The following PRPS1 variants were observed in gnomAD, a reference collection of about 807,000 sequenced individuals.
The protein encoded by PRPS1 is ribose-phosphate pyrophosphokinase 1.
A neutral mutation model predicts 16.9 loss-of-function variants in PRPS1; 1 was observed. That is an observed-to-expected ratio of 0.06 (90% CI 0.02 to 0.28). The LOEUF (loss-of-function observed/expected upper bound fraction) is 0.28, where lower values mean the gene tolerates loss of function less well. Among genes scored for constraint, PRPS1 ranks in the 10% least tolerant of loss-of-function variants. PRPS1 has a pLI of 1.00. For synonymous variants in PRPS1, 70 were observed against 90.2 expected (o/e 0.78, Z 1.27); for missense variants, 47 against 254.0 (o/e 0.19, Z 5.54).
intron 5 of PRPS1, among the ~76,000 whole-genome samples, chrX:107,646,432 T>C (rs1366556120): frequency 8.9e-6 from 1 of 111,984 alleles, no homozygotes; most frequent in Non-Finnish European, 1.9e-5. Flanking sequence ...ATGGTTTTTT[T>C]AAACTTTCTT....
At chrX:107,646,176 C>T (rs2147685286) in intron 5 of PRPS1, among the ~76,000 whole-genome samples, 1 of 111,589 alleles carries the variant, frequency 9.0e-6, no homozygotes, top group East Asian at 2.8e-4. Flanking sequence ...AATTACGGCT[C>T]ACTGCAGTCT....
intron 1 of PRPS1, among the ~76,000 whole-genome samples, chrX:107,638,631 G>C (rs1925499148): frequency 9.0e-6 from 1 of 111,375 alleles, no homozygotes; most frequent in Non-Finnish European, 1.9e-5. Flanking sequence ...GTATTACCCA[G>C]GCTGGTTTTG....
At chrX:107,640,259 T>C (rs1469624351) in intron 2 of PRPS1, among the ~76,000 whole-genome samples, 2 of 109,644 alleles carry the variant, frequency 1.8e-5, no homozygotes, top group South Asian at 3.9e-4. Context: ...GGAGAATTGC[T>C]TGAACCCAGG....
At chrX:107,638,324 G>T (rs1925489607) in intron 1 of PRPS1, among the ~76,000 whole-genome samples, 1 of 111,300 alleles carries the variant, frequency 9.0e-6, no homozygotes. Context: ...GGCCAGGCTG[G>T]TCTTAAACTC....
At chrX:107,644,597 C>T (rs943103185) in intron 4 of PRPS1, among the ~76,000 whole-genome samples, 59 of 111,884 alleles carry the variant, frequency 5.3e-4, no homozygotes, top group African/African-American at 1.5e-3. Flanking sequence ...GTGAGGGTGT[C>T]TGTCCTCTAC....
rs1925292386 is a variant in PRPS1 at position 107,630,774 on chromosome X, C to T, written c.122+2024C>T. Among the ~76,000 whole-genome samples the T allele has an allele frequency of 2.7e-5, 3 of 109,252 alleles. No individual in the cohort carries two copies. In the South Asian group the frequency reaches 1.2e-3, roughly 43 times the overall value. 94.9% of individuals were successfully genotyped at this position (109,252 alleles called of 115,157 possible). A position where few individuals can be genotyped will look rare whatever the true frequency, so the allele number is the denominator to read the frequency against. ...ACACACACACACACACACACACACA[C>T]GGAGGGGGTGGGTGTTAAAAGTGCT... On this transcript the variant is annotated intron_variant, in intron 1 of 6. Coordinates refer to ENST00000372435, the MANE Select transcript of PRPS1 (RefSeq NM_002764.4).
chrX:107,644,310 T>G (rs759274152), intron 4 of PRPS1, among the ~76,000 whole-genome samples: 1 of 111,749 alleles, frequency 8.9e-6, no homozygotes, highest in South Asian at 3.8e-4. Context: ...CTCCCAAGCT[T>G]GGTGTCCAGG....
Position 107,628,512 on chromosome X carries a change from T to C in PRPS1, c.-117T>C. The C allele has an allele frequency of 8.5e-7, 1 of 1,170,002 alleles. No homozygotes were observed. The highest frequency in any genetic ancestry group is 1.2e-6 in the Non-Finnish European group (1 of 860,886). On this transcript the variant is annotated 5_prime_UTR_variant, in exon 1 of 7. An upstream start codon of the reference 5' UTR is lost. Coordinates refer to ENST00000372435, the MANE Select transcript of PRPS1 (RefSeq NM_002764.4). The stretch of plus-strand genomic sequence containing the variant: ...TTTAGAGCCGCGCGCCGGGCGGGAA[T>C]GTAAGATGGCGGAGTAGCAACGCAA...
intron 1 of PRPS1, among the ~76,000 whole-genome samples, chrX:107,637,436 C>T (rs975052614): frequency 1.1e-4 from 12 of 111,377 alleles, no homozygotes; most frequent in Non-Finnish European, 1.7e-4. Context: ...CATTATAGAA[C>T]AGTAGTGATT....
intron 1 of PRPS1, among the ~76,000 whole-genome samples, chrX:107,632,496 T>C (rs1925328701): frequency 8.9e-6 from 1 of 112,469 alleles, no homozygotes; most frequent in Non-Finnish European, 1.9e-5. Flanking sequence ...GATACACTTA[T>C]GCCTGACCTT....
Position 107,650,207 on chromosome X carries a change from C to A in PRPS1, c.*175C>A. On this transcript the variant is annotated 3_prime_UTR_variant, in exon 7 of 7. Transcript: ENST00000372435. Reference sequence around the variant, plus strand: ...GGGAAAGACGGATTGAGATTAACTGCTGGGACCTCCTACCTGCATTATCTC... The same window carrying A: ...GGGAAAGACGGATTGAGATTAACTGATGGGACCTCCTACCTGCATTATCTC... The A allele has an allele frequency of 1.2e-6, 1 of 863,966 alleles. No individual in the cohort carries two copies. The allele number at this position is 863,966 out of a possible 1,213,427, so 71.2% of individuals were successfully genotyped here.
rs371538576 is a variant in PRPS1 at position 107,639,355 on chromosome X, C to T, written c.183C>T (p.Gly61=). 26 of 1,209,189 alleles carry T rather than the reference C, an allele frequency of 2.2e-5. No homozygotes were observed. Among genetic ancestry groups the T allele is most frequent in the South Asian group, 3.5e-5 (2 of 56,830 alleles). The change falls in exon 2 of 7, where the codon GGC becomes GGT. Residue 61 remains glycine (G), a synonymous_variant. Coordinates refer to ENST00000372435, the MANE Select transcript of PRPS1 (RefSeq NM_002764.4). ...TCTACATTGTTCAGAGTGGTTGTGG[C>T]GAAATCAATGACAATTTAATGGAGC... is the stretch of plus-strand genomic sequence containing the variant. ...EDVYIVQSGC[G]EINDNLMELL...
chrX:107,633,305 C>G (rs1038362755), intron 1 of PRPS1, among the ~76,000 whole-genome samples: 1 of 108,087 alleles, frequency 9.3e-6, no homozygotes, highest in Non-Finnish European at 1.9e-5. Flanking sequence ...GCCTGTAGTC[C>G]CAGCTACTCG....
In PRPS1 at chrX:107,632,529, T is replaced by A. The variant is rs756360348; in HGVS notation, c.122+3779T>A. On this transcript the variant is annotated intron_variant, in intron 1 of 6. Transcript: ENST00000372435. The stretch of plus-strand genomic sequence containing the variant: ...CTTAAAGGAAAGGGAAAAGAGAAGC[T>A]AGTTTTTTCACTCATTGGATAGACA... Among the ~76,000 whole-genome samples the A allele has an allele frequency of 1.2e-4, 13 of 112,640 alleles. No homozygotes were observed. The South Asian group carries it at 4.7e-3, about 41-fold the overall frequency.
In PRPS1 at chrX:107,628,866, G is replaced by A; in HGVS notation, c.122+116G>A. The stretch of plus-strand genomic sequence containing the variant: ...CTGGGGGTTGGGGGGAGAGGGTGCA[G>A]CTCTGTGACTAGCCTACCCCACGGG... On this transcript the variant is annotated intron_variant, in intron 1 of 6. Coordinates refer to ENST00000372435, the MANE Select transcript of PRPS1 (RefSeq NM_002764.4). 18 of 1,026,146 alleles carry A rather than the reference G, an allele frequency of 1.8e-5. No individual in the cohort carries two copies. In the South Asian group the frequency reaches 3.4e-4, roughly 19 times the overall value. The allele number at this position is 1,026,146 out of a possible 1,213,427, so 84.6% of individuals were successfully genotyped here.
intron 2 of PRPS1, among the ~76,000 whole-genome samples, chrX:107,639,868 G>C (rs1242326388): frequency 9.0e-6 from 1 of 111,442 alleles, no homozygotes; most frequent in African/African-American, 3.3e-5. Flanking sequence ...TACTTGATCT[G>C]ATAGATACAT....
At chrX:107,643,937 C>T (rs1925632255) in intron 4 of PRPS1, among the ~76,000 whole-genome samples, 1 of 111,298 alleles carries the variant, frequency 9.0e-6, no homozygotes, top group South Asian at 3.8e-4. Flanking sequence ...CTCATGTGAC[C>T]ATAGTCACAA....
chrX:107,629,927 T>C (rs1925271595), intron 1 of PRPS1: 1 of 112,716 alleles, frequency 8.9e-6, no homozygotes, highest in Non-Finnish European at 1.9e-5. Flanking sequence ...CAGATAAGAA[T>C]ATTTCGAATA....
intron 3 of PRPS1, 46 bp downstream of exon 3, chrX:107,641,046 G>A (rs1335562910): frequency 8.3e-7 from 1 of 1,211,609 alleles, no homozygotes; most frequent in South Asian, 1.8e-5. Context: ...TGGGAGGAAA[G>A]GACTGATGAT....
Sources: allele counts gnomAD v4.1 joint callset (sites outside exome capture counted in the v4.1 genomes callset), GRCh38; gene constraint gnomAD v4.1.1; transcripts MANE v1.5; gene names NCBI Gene and HGNC (gene_info 2026-07-23, HGNC 2026-07-21).